The following GMCL1 variants were observed in gnomAD, a reference collection of about 807,000 sequenced individuals.
GMCL1 encodes germ cell-less 1, spermatogenesis associated.
A neutral mutation model predicts 75.5 loss-of-function variants in GMCL1; 54 were observed. The observed-to-expected ratio is 0.71, with a 90% CI of 0.57 to 0.90. The LOEUF is 0.90. Among genes scored for constraint, GMCL1 ranks in the 40% least tolerant of loss-of-function variants. The pLI, the probability that GMCL1 is intolerant of heterozygous loss-of-function variation, is 0.00. For missense variants in GMCL1, 537 were observed against 622.7 expected (o/e 0.86, Z 1.47); for synonymous variants, 210 against 209.6 (o/e 1.00, Z -0.02).
rs554179453 is a variant in GMCL1, at chr2:69,854,373, A to G, written c.935-450A>G. ...AGAATTAATATATTAACTAGTGTTCATTACATGTAGCTGAAATGTAAGTTA... is the reference window on the plus strand; with the variant it reads ...AGAATTAATATATTAACTAGTGTTCGTTACATGTAGCTGAAATGTAAGTTA... On this transcript the variant is annotated intron_variant, in intron 8 of 13. Transcript: ENST00000282570. Among the ~76,000 whole-genome samples, 11 of 152,308 alleles carry G rather than the reference A, an allele frequency of 7.2e-5. No homozygotes were observed. In the South Asian group the frequency reaches 1.5e-3, roughly 20 times the overall value.
chr2:69,834,511 G>A (rs1674767320), intron 1 of GMCL1, among the ~76,000 whole-genome samples: 4 of 152,144 alleles, frequency 2.6e-5, no homozygotes, highest in South Asian at 2.1e-4. Flanking sequence ...ACTGGGTATG[G>A]AAATCTAAAG....
chr2:69,850,498 G>A (rs1395298280), intron 8 of GMCL1, among the ~76,000 whole-genome samples: 3 of 151,960 alleles, frequency 2.0e-5, no homozygotes, highest in South Asian at 2.1e-4. Context: ...TTTTTAATAC[G>A]TTGAGCCTTT....
In GMCL1 at chr2:69,847,616, G is replaced by A; in HGVS notation, c.832G>A (p.Ala278Thr). The change falls in exon 7 of 14, where the codon GCT (alanine) becomes ACT (threonine). Residue 278 changes from alanine (A) to threonine (T), a missense_variant. Transcript: ENST00000282570. The stretch of plus-strand genomic sequence containing the variant: ...GCAAGTGGAGATGGATATATACACT[G>A]CTCTAAAAAAGGTACTGACGTAATA... ...VMQVEMDIYT[A>T]LKKWMFLQLV... 2.5e-6 allele frequency: 4 copies of A among 1,595,096 alleles called. No homozygotes were observed. The highest frequency in any genetic ancestry group is 3.4e-6 in the Non-Finnish European group (4 of 1,163,514).
intron 10 of GMCL1, among the ~76,000 whole-genome samples, chr2:69,864,042 CT>C (rs1361647295): frequency 7.2e-5 from 11 of 151,990 alleles, no homozygotes; most frequent in Non-Finnish European, 4.4e-5. Flanking sequence ...AAATCTGTAC[CT>C]TCTTCATGTG....
At chr2:69,849,069 C>T (rs575616937) in intron 7 of GMCL1, among the ~76,000 whole-genome samples, 1 of 152,116 alleles carries the variant, frequency 6.6e-6, no homozygotes, top group Non-Finnish European at 1.5e-5. Flanking sequence ...TAAACCTTTA[C>T]CTTTTTAATA....
rs1325208738 is a variant in GMCL1, at chr2:69,879,997, G to A, written c.*993G>A. On this transcript the variant is annotated 3_prime_UTR_variant, in exon 14 of 14. Transcript: ENST00000282570. Reference sequence around the variant, plus strand: ...AAATTTCATAGTAAATGTAAATAAGGTCAGAGGATGTAATATGGAGCCTGA... The same window carrying A: ...AAATTTCATAGTAAATGTAAATAAGATCAGAGGATGTAATATGGAGCCTGA... The A allele has an allele frequency of 1.3e-5, 2 of 152,110 alleles. No individual in the cohort carries two copies. The highest frequency in any genetic ancestry group is 4.8e-5 in the African/African-American group (2 of 41,422). The allele number at this position is 152,110 out of a possible 1,614,324, so 9.4% of individuals were successfully genotyped here. A position where few individuals can be genotyped will look rare whatever the true frequency, so the allele number is the denominator to read the frequency against.
chr2:69,850,074 C>T (rs1675269610), intron 8 of GMCL1, among the ~76,000 whole-genome samples: 1 of 152,158 alleles, frequency 6.6e-6, no homozygotes, highest in Non-Finnish European at 1.5e-5. Flanking sequence ...TTTGTCTTGA[C>T]CACACTGAGT....
intron 11 of GMCL1, among the ~76,000 whole-genome samples, chr2:69,868,093 C>T (rs1319551305): frequency 1.3e-5 from 2 of 152,304 alleles, no homozygotes; most frequent in Middle Eastern, 3.4e-3. Flanking sequence ...TCTATCCATG[C>T]TCACCTATTC....
At chr2:69,867,379 A>C (rs535081700) in intron 11 of GMCL1, among the ~76,000 whole-genome samples, 2 of 151,946 alleles carry the variant, frequency 1.3e-5, no homozygotes, top group East Asian at 1.9e-4. Context: ...GCATACCCTC[A>C]ATTTTTGCAT....
At chr2:69,864,588 T>A (rs970228009) in intron 10 of GMCL1, among the ~76,000 whole-genome samples, 1 of 130,982 alleles carries the variant, frequency 7.6e-6, no homozygotes, top group Non-Finnish European at 1.6e-5. Flanking sequence ...GTTAGACTTT[T>A]ACTTTTTTTT....
At chr2:69,874,671 T>C (rs1379908097) in intron 13 of GMCL1, among the ~76,000 whole-genome samples, 1 of 152,148 alleles carries the variant, frequency 6.6e-6, no homozygotes, top group Non-Finnish European at 1.5e-5. Flanking sequence ...TATTAAAATT[T>C]CATTTTTTTC....
chr2:69,877,843 G>A (rs1004330237), intron 13 of GMCL1, among the ~76,000 whole-genome samples: 1 of 152,086 alleles, frequency 6.6e-6, no homozygotes, highest in Non-Finnish European at 1.5e-5. Context: ...TCTAGTTTTA[G>A]TTCCTCTTCA....
chr2:69,860,151 G>A (rs1316727506), intron 9 of GMCL1, among the ~76,000 whole-genome samples: 6 of 151,916 alleles, frequency 3.9e-5, no homozygotes, highest in African/African-American at 1.2e-4. Context: ...ACAGGTGCAC[G>A]CACCTAATTT....
At chr2:69,859,757 A>AAAAAAAAAAAAAAAAAAAAAAAC (rs1675587781) in intron 9 of GMCL1, among the ~76,000 whole-genome samples, 2 of 150,500 alleles carry the variant, frequency 1.3e-5, no homozygotes, top group African/African-American at 2.4e-5. Flanking sequence ...AAAAAAAAAA[A>AAAAAAAAAAAAAAAAAAAAAAAC]AGTATATATG....
In GMCL1 at chr2:69,840,993, C is replaced by A; in HGVS notation, c.533C>A (p.Pro178His). The stretch of plus-strand genomic sequence containing the variant: ...TATCGAGATGATGTCTTGATAAAGC[C>A]CAGTCGAGTTGTTGCCATTTTGGCA... ...SLYRDDVLIK[P>H]SRVVAILAAA... The change falls in exon 4 of 14, where the codon CCC becomes CAC. Residue 178 changes from proline to histidine, a missense_variant. Pro to His is a moderately conservative substitution (Grantham distance 77). This residue lies in a region of GMCL1 where 345 missense variants were observed against 410.5 expected (regional missense o/e 0.84). Transcript: ENST00000282570. 6.2e-7 allele frequency: 1 copy of A among 1,613,858 alleles called. No homozygotes were observed. The highest frequency in any genetic ancestry group is 2.2e-5 in the East Asian group (1 of 44,868).
At chr2:69,877,702 GTGTT>G (rs1676162050) in intron 13 of GMCL1, among the ~76,000 whole-genome samples, 1 of 80,494 alleles carries the variant, frequency 1.2e-5, no homozygotes, top group Non-Finnish European at 2.5e-5. Flanking sequence ...GAGAGATTGT[GTGTT>G]TGTGTGTGTG....
intron 3 of GMCL1, 97 bp downstream of exon 3, chr2:69,839,650 A>G (rs1573343980): frequency 1.3e-6 from 1 of 763,344 alleles, no homozygotes; most frequent in East Asian, 2.5e-5. Flanking sequence ...CTTGTAGTCT[A>G]GAAAACTCCT....
intron 1 of GMCL1, among the ~76,000 whole-genome samples, chr2:69,835,373 G>A (rs1019633244): frequency 7.3e-5 from 11 of 151,698 alleles, no homozygotes; most frequent in Non-Finnish European, 1.5e-4. Context: ...CTGGTGAGAG[G>A]GTGTTTTTTT....
chr2:69,878,263 G>A (rs1665845535), intron 13 of GMCL1, among the ~76,000 whole-genome samples: 1 of 152,148 alleles, frequency 6.6e-6, no homozygotes, highest in African/African-American at 2.4e-5. Context: ...TCAATAGTAG[G>A]AACCCTGCTT....
Sources: allele counts gnomAD v4.1 joint callset (sites outside exome capture counted in the v4.1 genomes callset), GRCh38; gene constraint gnomAD v4.1.1; regional missense constraint gnomAD v4.1.1; transcripts MANE v1.5; gene names NCBI Gene and HGNC (gene_info 2026-07-23, HGNC 2026-07-21).